Variants in ATRX observed in about 807,000 individuals in gnomAD.
ATRX encodes ATRX chromatin remodeler.
In ATRX, 12 loss-of-function variants were observed where a neutral mutation model predicts 172.6. The ratio of observed to expected loss-of-function variants is 0.07; its 90% CI spans 0.04 to 0.11. The LOEUF is 0.11. Among genes scored for constraint, ATRX ranks in the 10% least tolerant of loss-of-function variants. ATRX has a pLI of 1.00. For synonymous variants in ATRX, 674 were observed against 594.7 expected (o/e 1.13, Z -1.94); for missense variants, 1,368 against 1,767.4 (o/e 0.77, Z 4.05).
chrX:77,559,528 G>A (rs1602541111), intron 28 of ATRX, among the ~76,000 whole-genome samples: 1 of 85,555 alleles, frequency 1.2e-5, no homozygotes, highest in Admixed American at 1.7e-4. Flanking sequence ...GCGCAATCTC[G>A]ACTCACTGCA....
intron 30 of ATRX, among the ~76,000 whole-genome samples, chrX:77,552,655 C>T (rs975425052): frequency 9.0e-6 from 1 of 111,081 alleles, no homozygotes; most frequent in Non-Finnish European, 1.9e-5. Context: ...ACTAAGGATA[C>T]TGAAGGAAGC....
chrX:77,518,593 T>C (rs782287785), intron 34 of ATRX, among the ~76,000 whole-genome samples: 8 of 111,697 alleles, frequency 7.2e-5, no homozygotes, highest in Non-Finnish European at 1.3e-4. Flanking sequence ...AAGCAATCCA[T>C]AGATACAATG....
At chrX:77,692,532 T>C (rs964957457) in intron 6 of ATRX, among the ~76,000 whole-genome samples, 2 of 112,155 alleles carry the variant, frequency 1.8e-5, no homozygotes, top group African/African-American at 3.2e-5. Flanking sequence ...AAGATAATCA[T>C]AGCATTAAAA....
At chrX:77,542,173 C>G (rs1279731298) in intron 30 of ATRX, among the ~76,000 whole-genome samples, 1 of 111,530 alleles carries the variant, frequency 9.0e-6, no homozygotes, top group East Asian at 2.8e-4. Flanking sequence ...ACACCAATAA[C>G]AGACAAACAT....
chrX:77,752,841 T>C (rs889294105), intron 1 of ATRX, among the ~76,000 whole-genome samples: 4 of 111,548 alleles, frequency 3.6e-5, no homozygotes, highest in Non-Finnish European at 5.6e-5. Flanking sequence ...TGGATAAGCT[T>C]TTTGATGTGC....
At chrX:77,769,237 G>T (rs1367683968) in intron 1 of ATRX, among the ~76,000 whole-genome samples, 2 of 109,543 alleles carry the variant, frequency 1.8e-5, no homozygotes, top group Non-Finnish European at 3.8e-5. Flanking sequence ...AGCAAATTAT[G>T]TCATACACAA....
intron 6 of ATRX, chrX:77,691,393 G>T (rs945457548): frequency 2.7e-5 from 3 of 111,472 alleles, no homozygotes; most frequent in Non-Finnish European, 5.7e-5. Context: ...ATTTAAAATT[G>T]TAACACAGGG....
chrX:77,634,684 A>G lies in ATRX; in HGVS notation c.4719T>C (p.Asp1573=), dbSNP rs1557107210. ...TTTTTTTCACAGACTCACAGCAGCA[A>G]TCCCACATAAACTGAACACCTAAAA... ...HQVDGVQFMW[D]CCCESVKKTK... Residue 1573 remains aspartate, a synonymous_variant, in exon 17 of 35, where the codon GAT becomes GAC. Coordinates refer to ENST00000373344, the MANE Select transcript of ATRX (RefSeq NM_000489.6). 1 of 1,210,475 alleles carries G rather than the reference A, an allele frequency of 8.3e-7. No individual in the cohort carries two copies.
At position 77,780,630 on chromosome X, in the gene ATRX, T is replaced by C. The variant is rs1026223304; in HGVS notation, c.20+5352A>G. ...GGCGTGAGCCACTGCACGTGGCCTG[T>C]AAGCAGAATTTTTTAAAAACTAACT... is the stretch of plus-strand genomic sequence containing the variant. On this transcript the variant is annotated intron_variant, in intron 1 of 34. Coordinates refer to ENST00000373344, the MANE Select transcript of ATRX (RefSeq NM_000489.6). Among the ~76,000 whole-genome samples, 3 of 108,605 alleles carry C rather than the reference T, an allele frequency of 2.8e-5. No homozygotes were observed. In the East Asian group the frequency reaches 9.3e-4, roughly 34 times the overall value. 94.3% of individuals were successfully genotyped at this position (108,605 alleles called of 115,157 possible).
chrX:77,517,551 GC>G (rs1314966086), intron 34 of ATRX, among the ~76,000 whole-genome samples: 1 of 111,828 alleles, frequency 8.9e-6, no homozygotes, highest in Non-Finnish European at 1.9e-5. Context: ...GCAAAGAAAA[GC>G]CTGGAAACCA....
At position 77,521,219 on chromosome X, in the gene ATRX, C is replaced by T. The variant is rs1356200136; in HGVS notation, c.7071+184G>A. 6.7e-6 allele frequency: 3 copies of T among 448,870 alleles called. No homozygotes were observed. The African/African-American group carries it at 7.3e-5, about 11-fold the overall frequency. 37.0% of individuals were successfully genotyped at this position (448,870 alleles called of 1,213,427 possible). A position where few individuals can be genotyped will look rare whatever the true frequency, so the allele number is the denominator to read the frequency against. Reference sequence around the variant, plus strand: ...CAATTCTTACATTTTACCCATTTCTCTCTTGTGCCAACATCTATGTAAAAT... The same window carrying T: ...CAATTCTTACATTTTACCCATTTCTTTCTTGTGCCAACATCTATGTAAAAT... On this transcript the variant is annotated intron_variant, in intron 33 of 34. Transcript: ENST00000373344.
At chrX:77,652,473 T>C in intron 14 of ATRX, 120 bp from the exon 15 acceptor site, 2 of 875,277 alleles carry the variant, frequency 2.3e-6, no homozygotes, top group Non-Finnish European at 3.1e-6. Context: ...ACCTTTAGAA[T>C]TATATTCAGC....
At position 77,574,376 on chromosome X, in the gene ATRX, G is replaced by C. The variant is rs1224408731; in HGVS notation, c.6218-18C>G. On this transcript the variant is annotated intron_variant, in intron 27 of 34. Coordinates refer to ENST00000373344, the MANE Select transcript of ATRX (RefSeq NM_000489.6). ...CCCCTCACCTGAAAATTTAACAAAA[G>C]AACACAAAAGGAATTTGATATATCG... 7 of 1,102,360 alleles carry C rather than the reference G, an allele frequency of 6.4e-6. No individual in the cohort carries two copies. The highest frequency in any genetic ancestry group is 8.8e-6 in the Non-Finnish European group (7 of 796,569). The allele number at this position is 1,102,360 out of a possible 1,213,427, so 90.8% of individuals were successfully genotyped here. A position where few individuals can be genotyped will look rare whatever the true frequency, so the allele number is the denominator to read the frequency against.
At chrX:77,771,906 C>G (rs1557199289) in intron 1 of ATRX, among the ~76,000 whole-genome samples, 1 of 111,446 alleles carries the variant, frequency 9.0e-6, no homozygotes, top group Non-Finnish European at 1.9e-5. Context: ...ATTCACAGGA[C>G]AGCCTCTAAC....
At chrX:77,563,818 AC>A (rs1298307121) in intron 28 of ATRX, among the ~76,000 whole-genome samples, 5 of 109,430 alleles carry the variant, frequency 4.6e-5, no homozygotes, top group Non-Finnish European at 5.7e-5. Flanking sequence ...AAGCTGCAAA[AC>A]CAGGGAGCTA....
intron 16 of ATRX, among the ~76,000 whole-genome samples, chrX:77,635,291 T>A (rs1227687318): frequency 9.0e-6 from 1 of 110,526 alleles, no homozygotes; most frequent in African/African-American, 3.3e-5. Flanking sequence ...TCTCAAAAAA[T>A]AATAATAATA....
At position 77,523,235 on chromosome X, in the gene ATRX, C is replaced by G. The variant is rs782798817; in HGVS notation, c.6849+17G>C. 9.1e-6 allele frequency: 11 copies of G among 1,209,654 alleles called. No individual in the cohort carries two copies. Among genetic ancestry groups the G allele is most frequent in the Admixed American group, 2.2e-5 (1 of 45,964 alleles). On this transcript the variant is annotated intron_variant, in intron 31 of 34. Transcript: ENST00000373344. The stretch of plus-strand genomic sequence containing the variant: ...CACTAACATAACAAAAACAAAAACA[C>G]ATTTTGCATCAACTACCTTCTTCTC...
chrX:77,517,480 C>T (rs1418141729), intron 34 of ATRX, among the ~76,000 whole-genome samples: 1 of 111,523 alleles, frequency 9.0e-6, no homozygotes, highest in Admixed American at 9.5e-5. Context: ...ATTAAGAAAT[C>T]CAAAATCTGA....
intron 2 of ATRX, among the ~76,000 whole-genome samples, chrX:77,710,306 A>AC (rs1279088025): frequency 1.8e-5 from 2 of 109,850 alleles, no homozygotes; most frequent in Non-Finnish European, 3.8e-5. Flanking sequence ...TTCAATAAAA[A>AC]AAAAAAAAAA....
Sources: gnomAD v4.1 joint callset for allele counts (sites outside exome capture counted in the v4.1 genomes callset) on GRCh38, gnomAD v4.1.1 for gene constraint, MANE v1.5 for transcripts, NCBI Gene and HGNC (gene_info 2026-07-23, HGNC 2026-07-21) for gene names.